SPA17: variants seen among roughly 807,000 people sequenced by gnomAD.
SPA17 encodes sperm autoantigenic protein 17.
A neutral mutation model predicts 13.8 loss-of-function variants in SPA17; 7 were observed. The ratio of observed to expected loss-of-function variants is 0.51; its 90% CI spans 0.29 to 0.95. SPA17 has a LOEUF of 0.95. Ranked by LOEUF, SPA17 falls within the 40% of genes least tolerant of loss-of-function variation. The pLI, the probability that SPA17 is intolerant of heterozygous loss-of-function variation, is 0.08. For synonymous variants in SPA17, 61 were observed against 59.0 expected, an observed-to-expected ratio of 1.03 and a Z score of -0.16; for missense variants, 170 against 179.3, an observed-to-expected ratio of 0.95 and a Z score of 0.30.
chr11:124,685,878 A>AC (rs1188229825), intron 3 of SPA17, among the ~76,000 whole-genome samples: 1 of 151,978 alleles, frequency 6.6e-6, no homozygotes, highest in Non-Finnish European at 1.5e-5. Flanking sequence ...CAATGCCTGT[A>AC]CCCCCATTGT....
At chr11:124,688,160 T>C (rs897222410) in intron 3 of SPA17, among the ~76,000 whole-genome samples, 2 of 152,178 alleles carry the variant, frequency 1.3e-5, no homozygotes, top group African/African-American at 4.8e-5. Context: ...ACTACAAACA[T>C]GTGCCACCAC....
intron 3 of SPA17, among the ~76,000 whole-genome samples, chr11:124,682,919 T>G (rs1322002253): frequency 6.6e-6 from 1 of 151,120 alleles, no homozygotes; most frequent in African/African-American, 2.4e-5. Context: ...AAAAAAAAGT[T>G]TTCACCACAG....
intron 1 of SPA17, chr11:124,674,386 C>G (rs1943429325): frequency 6.6e-6 from 1 of 152,358 alleles, no homozygotes; most frequent in African/African-American, 2.4e-5. Context: ...AACGAGAACC[C>G]TCCATAGTCT....
At chr11:124,691,502 C>T (rs551999396) in intron 3 of SPA17, among the ~76,000 whole-genome samples, 194 bp from the exon 4 acceptor site, 13 of 152,222 alleles carry the variant, frequency 8.5e-5, no homozygotes, top group East Asian at 1.9e-4. Context: ...TTTGTTTACA[C>T]GTATTTCCTT....
intron 3 of SPA17, among the ~76,000 whole-genome samples, chr11:124,686,203 G>A (rs1452136537): frequency 2.8e-5 from 4 of 143,002 alleles, no homozygotes; most frequent in African/African-American, 1.1e-4. Flanking sequence ...GGGGGGGGTG[G>A]TTTTATAAGG....
At chr11:124,683,016 G>A (rs746291324) in intron 3 of SPA17, among the ~76,000 whole-genome samples, 2 of 151,992 alleles carry the variant, frequency 1.3e-5, no homozygotes, top group African/African-American at 2.4e-5. Flanking sequence ...AGGGAAACCC[G>A]ATCAGACTAA....
intron 3 of SPA17, among the ~76,000 whole-genome samples, chr11:124,687,891 A>T (rs1481279516): frequency 6.6e-6 from 1 of 152,166 alleles, no homozygotes; most frequent in Non-Finnish European, 1.5e-5. Flanking sequence ...AAGAATGCCC[A>T]TTTTCACCCG....
chr11:124,689,792 T>A (rs563609530), intron 3 of SPA17, among the ~76,000 whole-genome samples: 11 of 151,426 alleles, frequency 7.3e-5, no homozygotes, highest in African/African-American at 2.7e-4. Context: ...AAAAAAGAAC[T>A]TGGAAAAGGA....
In SPA17 at chr11:124,694,641, C is replaced by A. The variant is rs1565427356; in HGVS notation, c.*195C>A. 4.6e-6 allele frequency: 3 copies of A among 653,946 alleles called. No individual in the cohort carries two copies. Among genetic ancestry groups the A allele is most frequent in the East Asian group, 6.5e-5 (2 of 30,628 alleles). The allele number at this position is 653,946 out of a possible 1,614,324, so 40.5% of individuals were successfully genotyped here. A position where few individuals can be genotyped will look rare whatever the true frequency, so the allele number is the denominator to read the frequency against. ...TGCCACTTGAAGATTTCTCTGAGAT[C>A]ATGAGTTTGTTTACACTTGTCTCAA... On this transcript the variant is annotated 3_prime_UTR_variant, in exon 5 of 5. Transcript: ENST00000227135.
At chr11:124,676,940 A>C (rs1312169404) in intron 2 of SPA17, among the ~76,000 whole-genome samples, 1 of 152,236 alleles carries the variant, frequency 6.6e-6, no homozygotes, top group East Asian at 1.9e-4. Flanking sequence ...AAAAGAGGTG[A>C]ATTATAATGA....
In SPA17 at chr11:124,696,033, T is replaced by C. The variant is rs1943668799; in HGVS notation, c.*1587T>C. ...TTGATTCACACCAACCCTTTCAAGG[T>C]TGTGGCTTTCATTCTCTAATGTCCA... On this transcript the variant is annotated 3_prime_UTR_variant, in exon 5 of 5. Transcript: ENST00000227135. 6.6e-6 allele frequency: 1 copy of C among 152,188 alleles called. No homozygotes were observed. The highest frequency in any genetic ancestry group is 2.1e-4 in the South Asian group (1 of 4,826). 9.4% of individuals were successfully genotyped at this position (152,188 alleles called of 1,614,324 possible).
At chr11:124,689,014 A>T (rs1473297126) in intron 3 of SPA17, among the ~76,000 whole-genome samples, 1 of 152,200 alleles carries the variant, frequency 6.6e-6, no homozygotes, top group Non-Finnish European at 1.5e-5. Context: ...AAGCATATAC[A>T]TATAGCTAAC....
chr11:124,686,390 A>T (rs1179580402), intron 3 of SPA17, among the ~76,000 whole-genome samples: 4 of 152,218 alleles, frequency 2.6e-5, no homozygotes, highest in Admixed American at 1.3e-4. Flanking sequence ...ACACTGTGAG[A>T]ATGGACTGAT....
At position 124,694,511 on chromosome 11, in the gene SPA17, G is replaced by A; in HGVS notation, c.*65G>A. 4.6e-6 allele frequency: 7 copies of A among 1,530,848 alleles called. No homozygotes were observed. The highest frequency in any genetic ancestry group is 6.2e-6 in the Non-Finnish European group (7 of 1,138,088). 94.8% of individuals were successfully genotyped at this position (1,530,848 alleles called of 1,614,324 possible). On this transcript the variant is annotated 3_prime_UTR_variant, in exon 5 of 5. Transcript: ENST00000227135. ...CAAATCCATCAACCTTCTTATTAAT[G>A]TCATTTCTTCCTGAGGAAGGAAGAT...
rs1943661501 is a variant in SPA17, at chr11:124,695,358, GC to G, written c.*914del. ...AAAGCAAAAGCTATCATATCATGCT[GC>G]CTTCTTCAGTTAAAACTTCCCAAGT... is the stretch of plus-strand genomic sequence containing the variant. On this transcript the variant is annotated 3_prime_UTR_variant, in exon 5 of 5. Transcript: ENST00000227135. 2 of 152,158 alleles carry G rather than the reference GC, an allele frequency of 1.3e-5. No homozygotes were observed. The highest frequency in any genetic ancestry group is 4.8e-5 in the African/African-American group (2 of 41,432). The allele number at this position is 152,158 out of a possible 1,614,324, so 9.4% of individuals were successfully genotyped here.
At chr11:124,691,611 A>T (rs948828505) in intron 3 of SPA17, 85 bp from the exon 4 acceptor site, 1 of 660,516 alleles carries the variant, frequency 1.5e-6, no homozygotes, top group Non-Finnish European at 2.4e-6. Flanking sequence ...ATTTAAAGTA[A>T]TGTTTCATTA....
rs1228295456 is a variant in SPA17, at chr11:124,678,257, T to C, written c.154+2839T>C. On this transcript the variant is annotated intron_variant, in intron 2 of 4. Transcript: ENST00000227135. ...TGAGAACTATCTCTCGATAATACTA[T>C]GGATGATACTGTGGAGTGATTTTCG... 2.0e-5 allele frequency among the ~76,000 whole-genome samples: 3 copies of C among 151,890 alleles called. No individual in the cohort carries two copies. In the East Asian group the frequency reaches 5.9e-4, roughly 30 times the overall value.
intron 3 of SPA17, among the ~76,000 whole-genome samples, chr11:124,682,532 G>A (rs1489246760): frequency 6.6e-6 from 1 of 151,948 alleles, no homozygotes; most frequent in African/African-American, 2.4e-5. Flanking sequence ...TTTACAAGGT[G>A]ATAGATTTTT....
Position 124,692,558 on chromosome 11 carries a change from C to T in SPA17, c.312+776C>T, listed in dbSNP as rs113824590. Reference sequence around the variant, plus strand: ...TCACGCCACTGCACTCCAGCCTGGGCGACAGTACAAGACTCCTTCTCAAAA... The same window carrying T: ...TCACGCCACTGCACTCCAGCCTGGGTGACAGTACAAGACTCCTTCTCAAAA... On this transcript the variant is annotated intron_variant, in intron 4 of 4. Transcript: ENST00000227135. 1.9e-3 allele frequency among the ~76,000 whole-genome samples: 287 copies of T among 151,740 alleles called. 2 individuals are homozygous for T. The highest frequency in any genetic ancestry group is 4.9e-3 in the African/African-American group (201 of 41,356).
Sources: allele counts gnomAD v4.1 joint callset (sites outside exome capture counted in the v4.1 genomes callset), GRCh38; gene constraint gnomAD v4.1.1; transcripts MANE v1.5; gene names NCBI Gene and HGNC (gene_info 2026-07-23, HGNC 2026-07-21).